NPR1: variants seen among roughly 807,000 people sequenced by gnomAD.
NPR1 encodes natriuretic peptide receptor 1.
In NPR1, 57 loss-of-function variants were observed where a neutral mutation model predicts 116.9. That is an observed-to-expected ratio of 0.49 (90% CI 0.39 to 0.61). The LOEUF (loss-of-function observed/expected upper bound fraction) is 0.61. Among genes scored for constraint, NPR1 ranks in the 20% least tolerant of loss-of-function variants. The pLI, the probability that NPR1 is intolerant of heterozygous loss-of-function variation, is 0.00. For synonymous variants in NPR1, 555 were observed against 601.6 expected, an observed-to-expected ratio of 0.92 and a Z score of 1.13; for missense variants, 1,096 against 1,409.8, an observed-to-expected ratio of 0.78 and a Z score of 3.56.
Position 153,687,192 on chromosome 1 carries a change from A to G in NPR1, c.1936-8A>G. 6.2e-7 allele frequency: 1 copy of G among 1,613,984 alleles called. No homozygotes were observed. ...CTGGCCAATACCTCTGCCCACTCAC[A>G]TTTCCAGGGCATGCTGTTTCTACAC... On this transcript the variant is annotated splice_polypyrimidine_tract_variant and splice_region_variant and intron_variant, in intron 12 of 21. Coordinates refer to ENST00000368680, the MANE Select transcript of NPR1 (RefSeq NM_000906.4).
chr1:153,684,852 C>A, intron 7 of NPR1, 112 bp from the exon 8 acceptor site: 1 of 1,387,726 alleles, frequency 7.2e-7, no homozygotes, highest in Non-Finnish European at 9.9e-7. Flanking sequence ...AGAATTCCCC[C>A]TCCATCTCTG....
intron 1 of NPR1, 151 bp from the exon 2 acceptor site, chr1:153,680,350 C>G (rs2101728112): frequency 5.0e-6 from 2 of 399,120 alleles, no homozygotes; most frequent in Middle Eastern, 4.0e-4. Flanking sequence ...CCTGCTGTGG[C>G]CTAGGCTGAG....
chr1:153,690,148 C>G, intron 19 of NPR1, 136 bp from the exon 20 acceptor site: 2 of 729,108 alleles, frequency 2.7e-6, no homozygotes, highest in Non-Finnish European at 4.6e-6. Context: ...CTCTCACACA[C>G]ACACACACAC....
chr1:153,689,792 C>T lies in NPR1; in HGVS notation c.2758-14C>T, dbSNP rs761527204. 11 of 1,526,758 alleles carry T rather than the reference C, an allele frequency of 7.2e-6. No homozygotes were observed. The highest frequency in any genetic ancestry group is 5.9e-5 in the Admixed American group (3 of 50,528). The allele number at this position is 1,526,758 out of a possible 1,614,324, so 94.6% of individuals were successfully genotyped here. On this transcript the variant is annotated splice_polypyrimidine_tract_variant and intron_variant, in intron 18 of 21. Transcript: ENST00000368680. This position sits in a 1 kb window ranked among gnomAD's most constrained non-coding sequence, Gnocchi z 5.1. Reference sequence around the variant, plus strand: ...GCAGCCGTCAAGTCCTGCACCCCCTCGCCACTCCCACAGGTGGAGACAATT... The same window carrying T: ...GCAGCCGTCAAGTCCTGCACCCCCTTGCCACTCCCACAGGTGGAGACAATT...
At chr1:153,682,657 C>T (rs1669815259) in intron 5 of NPR1, 68 bp downstream of exon 5, 2 of 1,164,654 alleles carry the variant, frequency 1.7e-6, no homozygotes. Flanking sequence ...TTCCCCCCCA[C>T]AGCCCTGCCA....
chr1:153,682,625 A>G, intron 5 of NPR1, 36 bp downstream of exon 5: 1 of 1,490,114 alleles, frequency 6.7e-7, no homozygotes, highest in Non-Finnish European at 9.4e-7. Flanking sequence ...TGCCAATTCC[A>G]AATGACATCT....
Position 153,688,355 on chromosome 1 carries a change from AGCT to A in NPR1, c.2417+135_2417+137del, listed in dbSNP as rs898699718. Reference sequence around the variant, plus strand: ...CTCCTCCCTGTACATAGTCAGCTCCAGCTCAGCACAGCCTCATGACCCTCTTCG... The same window carrying A: ...CTCCTCCCTGTACATAGTCAGCTCCACAGCACAGCCTCATGACCCTCTTCG... On this transcript the variant is annotated intron_variant, in intron 15 of 21. Coordinates refer to ENST00000368680, the MANE Select transcript of NPR1 (RefSeq NM_000906.4). 5 of 840,558 alleles carry A rather than the reference AGCT, an allele frequency of 5.9e-6. No homozygotes were observed. In the African/African-American group the frequency reaches 6.9e-5, roughly 12 times the overall value. The allele number at this position is 840,558 out of a possible 1,614,324, so 52.1% of individuals were successfully genotyped here. A position where few individuals can be genotyped will look rare whatever the true frequency, so the allele number is the denominator to read the frequency against.
chr1:153,681,665 C>A, intron 3 of NPR1, 39 bp from the exon 4 acceptor site: 1 of 1,605,182 alleles, frequency 6.2e-7, no homozygotes, highest in South Asian at 1.1e-5. Context: ...CCATGCCCTT[C>A]ATATGCCCAC....
chr1:153,683,826 T>C lies in NPR1; in HGVS notation c.1484+2T>C. ...GATTGTCTCCTTCTTCATATACAGG[T>C]GAGCTGTGATGTGGGGGGTTGAGTG... is the stretch of plus-strand genomic sequence containing the variant. On this transcript the variant is annotated splice_donor_variant, in intron 7 of 21. Transcript: ENST00000368680. LOFTEE classifies it high-confidence loss of function. 2 of 1,612,638 alleles carry C rather than the reference T, an allele frequency of 1.2e-6. No individual in the cohort carries two copies. The highest frequency in any genetic ancestry group is 2.2e-5 in the South Asian group (2 of 91,040).
At chr1:153,683,295 A>G in intron 5 of NPR1, 81 bp from the exon 6 acceptor site, 3 of 1,482,520 alleles carry the variant, frequency 2.0e-6, no homozygotes, top group Non-Finnish European at 9.1e-7. Context: ...GAGCTGGGGT[A>G]GGTGGGAGGT....
Position 153,686,209 on chromosome 1 carries a change from G to T in NPR1, c.1758+9G>T. 1 of 1,613,752 alleles carries T rather than the reference G, an allele frequency of 6.2e-7. No homozygotes were observed. Among genetic ancestry groups the T allele is most frequent in the Non-Finnish European group, 8.5e-7 (1 of 1,179,712 alleles). ...TGTTTGAACTGAAGCATGTAATGTG[G>T]GGAGTGAGGCAGTGGCATGGAGAAG... On this transcript the variant is annotated intron_variant, in intron 10 of 21. Transcript: ENST00000368680.
chr1:153,687,827 C>A, intron 14 of NPR1, 38 bp downstream of exon 14: 1 of 1,542,690 alleles, frequency 6.5e-7, no homozygotes, highest in South Asian at 1.2e-5. Flanking sequence ...CAGCCACAGT[C>A]TCAACGAACC....
At position 153,685,886 on chromosome 1, in the gene NPR1, C is replaced by G. The variant is rs1669914052; in HGVS notation, c.1680+6C>G. 6.2e-7 allele frequency: 1 copy of G among 1,612,874 alleles called. No individual in the cohort carries two copies. Among genetic ancestry groups the G allele is most frequent in the African/African-American group, 1.3e-5 (1 of 74,982 alleles). On this transcript the variant is annotated splice_donor_region_variant and intron_variant, in intron 9 of 21. Transcript: ENST00000368680. ...CCAAGACAGCATATTATAAGGTGGGCCTGGGGAAAGATCACTGGGCCTTGG... is the reference window on the plus strand; with the variant it reads ...CCAAGACAGCATATTATAAGGTGGGGCTGGGGAAAGATCACTGGGCCTTGG...
Position 153,686,506 on chromosome 1 carries a change from G to A in NPR1, c.1759-140G>A, listed in dbSNP as rs1669932321. On this transcript the variant is annotated intron_variant, in intron 10 of 21. Coordinates refer to ENST00000368680, the MANE Select transcript of NPR1 (RefSeq NM_000906.4). ...GGAGGGTGGGCTAAAGGACATGGGT[G>A]GGAATCACCAGGGAAGATCTTAGTG... is the stretch of plus-strand genomic sequence containing the variant. The A allele has an allele frequency of 8.0e-6, 6 of 751,558 alleles. No individual in the cohort carries two copies. The South Asian group carries it at 1.0e-4, about 13-fold the overall frequency. 46.6% of individuals were successfully genotyped at this position (751,558 alleles called of 1,614,324 possible).
intron 15 of NPR1, 77 bp from the exon 16 acceptor site, chr1:153,688,876 A>G: frequency 6.4e-7 from 1 of 1,570,562 alleles, no homozygotes. Context: ...TGGAGGGGGA[A>G]GTGCCTAGGG....
chr1:153,690,226 A>C, intron 19 of NPR1, 58 bp from the exon 20 acceptor site: 1 of 1,385,064 alleles, frequency 7.2e-7, no homozygotes. Flanking sequence ...TACCTCCCTT[A>C]ACACCCCTCC....
chr1:153,687,817 C>T (rs972006032), intron 14 of NPR1, 28 bp downstream of exon 14: 3 of 1,552,106 alleles, frequency 1.9e-6, no homozygotes, highest in East Asian at 4.6e-5. Flanking sequence ...TCCTTAAACC[C>T]AGCCACAGTC....
chr1:153,682,229 G>T (rs780974816), intron 4 of NPR1, among the ~76,000 whole-genome samples: 1 of 151,012 alleles, frequency 6.6e-6, no homozygotes, highest in East Asian at 1.9e-4. Flanking sequence ...CTAATTTTTT[G>T]TATTTTTTTT....
Position 153,679,819 on chromosome 1 carries a change from C to G in NPR1, c.711C>G (p.Arg237=). Reference sequence around the variant, plus strand: ...CCAGGCTGCTGCGGACCATGCCGCGCAAAGGCCGAGGTGAGACGCTGGCAC... The same window carrying G: ...CCAGGCTGCTGCGGACCATGCCGCGGAAAGGCCGAGGTGAGACGCTGGCAC... ...HYTRLLRTMP[R]KGRVIYICSS... is the part of the protein sequence containing the mutation. The change falls in exon 1 of 22, where the codon CGC becomes CGG. Residue 237 remains arginine (R), a synonymous_variant. Transcript: ENST00000368680. This position sits in a 1 kb window ranked among gnomAD's most constrained non-coding sequence, Gnocchi z 4.2. The G allele has an allele frequency of 6.5e-7, 1 of 1,541,048 alleles. No individual in the cohort carries two copies. The highest frequency in any genetic ancestry group is 8.7e-7 in the Non-Finnish European group (1 of 1,147,890).
Sources: gnomAD v4.1 joint callset for allele counts (sites outside exome capture counted in the v4.1 genomes callset) on GRCh38, gnomAD v4.1.1 for gene constraint, Gnocchi (gnomAD v3.1) non-coding constraint, MANE v1.5 for transcripts, NCBI Gene and HGNC (gene_info 2026-07-23, HGNC 2026-07-21) for gene names.